Variants in GALNT13 observed in about 807,000 individuals in gnomAD.
The protein encoded by GALNT13 is UDP-GalNAc:polypeptide N-acetylgalactosaminyltransferase 13.
In GALNT13, 28 loss-of-function variants were observed where a neutral mutation model predicts 64.2. That is an observed-to-expected ratio of 0.44 (90% CI 0.32 to 0.60). GALNT13 has a LOEUF of 0.60. Ranked by LOEUF, GALNT13 falls within the 20% of genes least tolerant of loss-of-function variation. GALNT13 has a pLI of 0.05. For missense variants in GALNT13, 577 were observed against 669.8 expected (o/e 0.86, Z 1.53); for synonymous variants, 214 against 224.6 (o/e 0.95, Z 0.42).
chr2:153,715,067 G>GGCAT, the GALNT13 span, among the ~76,000 whole-genome samples: 18,295 of 152,012 alleles, frequency 0.12, 1,713 homozygotes, highest in African/African-American at 0.26. Context: ...TGGCTCTGGG[G>GGCAT]GCATCATTCT....
chr2:153,962,623 G>A (rs374724901), intron 3 of GALNT13, among the ~76,000 whole-genome samples: 30 of 152,192 alleles, frequency 2.0e-4, no homozygotes, highest in African/African-American at 7.0e-4. Flanking sequence ...CTCCATGTAA[G>A]TATAGCTTTG....
chr2:154,301,567 T>A lies in GALNT13; in HGVS notation c.1134T>A (p.Asp378Glu), dbSNP rs1234951810. The A allele has an allele frequency of 1.5e-5, 24 of 1,612,224 alleles. No individual in the cohort carries two copies. The highest frequency in any genetic ancestry group is 2.7e-5 in the African/African-American group (2 of 74,894). ...LAEVWMDEFK[D>E]FFYIISPGVV... ...AAGTTTGGATGGATGAATTTAAAGA[T>A]TTCTTCTACATCATATCCCCAGGTA... The change falls in exon 9 of 13, where the codon GAT becomes GAA. Residue 378 changes from aspartate (D) to glutamate (E), a missense_variant. Transcript: ENST00000392825.
At chr2:154,107,853 T>C (rs1702707842) in intron 3 of GALNT13, among the ~76,000 whole-genome samples, 1 of 152,118 alleles carries the variant, frequency 6.6e-6, no homozygotes. Context: ...AGAGAGAACA[T>C]GTAGTAATTG....
chr2:153,458,140 G>A, the GALNT13 span, among the ~76,000 whole-genome samples: 1 of 151,826 alleles, frequency 6.6e-6, no homozygotes, highest in Non-Finnish European at 1.5e-5. Flanking sequence ...CTCCATGGAG[G>A]GAAAGCCAGG....
At chr2:153,154,828 G>T in the GALNT13 span, among the ~76,000 whole-genome samples, 1 of 152,170 alleles carries the variant, frequency 6.6e-6, no homozygotes, top group East Asian at 1.9e-4. Flanking sequence ...AATGCTTCCA[G>T]CTTTTGCCCA....
chr2:153,809,749 T>C, the GALNT13 span, among the ~76,000 whole-genome samples: 1 of 152,104 alleles, frequency 6.6e-6, no homozygotes, highest in South Asian at 2.1e-4. Context: ...GTACTACGCC[T>C]TTATATTTTG....
chr2:153,623,867 G>A, the GALNT13 span, among the ~76,000 whole-genome samples: 1 of 151,904 alleles, frequency 6.6e-6, no homozygotes, highest in Non-Finnish European at 1.5e-5. Context: ...TTATAAGTGA[G>A]GAATTAAAGA....
chr2:154,255,692 A>T (rs147612993), intron 7 of GALNT13, among the ~76,000 whole-genome samples: 10 of 152,166 alleles, frequency 6.6e-5, no homozygotes, highest in African/African-American at 2.4e-4. Context: ...AGATTTCATG[A>T]TTGAGATAAT....
the GALNT13 span, among the ~76,000 whole-genome samples, chr2:153,385,273 G>A: frequency 6.6e-6 from 1 of 151,928 alleles, no homozygotes; most frequent in African/African-American, 2.4e-5. Context: ...AACTAAATGT[G>A]GAAACAACCT....
At chr2:153,634,481 A>G in the GALNT13 span, among the ~76,000 whole-genome samples, 1 of 150,380 alleles carries the variant, frequency 6.6e-6, no homozygotes, top group African/African-American at 2.5e-5. Flanking sequence ...TCATCCATTC[A>G]TCCTTGGGAG....
At chr2:153,694,945 G>A in the GALNT13 span, among the ~76,000 whole-genome samples, 3 of 152,106 alleles carry the variant, frequency 2.0e-5, no homozygotes, top group Non-Finnish European at 4.4e-5. Context: ...ATAGGACTCA[G>A]CATATAGTTT....
chr2:153,292,590 G>A, the GALNT13 span, among the ~76,000 whole-genome samples: 1 of 152,086 alleles, frequency 6.6e-6, no homozygotes, highest in African/African-American at 2.4e-5. Flanking sequence ...GAGCAGTTGG[G>A]GGTACAGTGG....
At chr2:153,682,701 A>G in the GALNT13 span, among the ~76,000 whole-genome samples, 1 of 151,800 alleles carries the variant, frequency 6.6e-6, no homozygotes, top group Non-Finnish European at 1.5e-5. Context: ...ATCTTGAAAT[A>G]TTTAGTAGAT....
chr2:154,357,376 GTCTTC>G lies in GALNT13; in HGVS notation c.1157-38610_1157-38606del, dbSNP rs536328298. 1.6e-4 allele frequency among the ~76,000 whole-genome samples: 25 copies of G among 152,058 alleles called. No individual in the cohort carries two copies. In the South Asian group the frequency reaches 5.0e-3, roughly 30 times the overall value. ...TTAATTTTCATATTTCATGTGAGTT[GTCTTC>G]TCTTTATTAGAGTTAGATGTTTGTC... On this transcript the variant is annotated intron_variant, in intron 9 of 12. Coordinates refer to ENST00000392825, the MANE Select transcript of GALNT13 (RefSeq NM_052917.4).
chr2:154,046,096 C>G (rs1042493648), intron 3 of GALNT13, among the ~76,000 whole-genome samples: 15 of 151,678 alleles, frequency 9.9e-5, no homozygotes, highest in Admixed American at 8.5e-4. Flanking sequence ...TCACTTGAGA[C>G]CAGGAGTTGG....
At chr2:153,202,606 T>C in the GALNT13 span, among the ~76,000 whole-genome samples, 2 of 152,306 alleles carry the variant, frequency 1.3e-5, no homozygotes, top group East Asian at 3.9e-4. Context: ...TGAGGGCAAT[T>C]TGGCTTTCAC....
chr2:153,705,395 TAAAAA>T, the GALNT13 span, among the ~76,000 whole-genome samples: 5 of 137,036 alleles, frequency 3.6e-5, no homozygotes, highest in African/African-American at 1.3e-4. Flanking sequence ...GTACCACTGT[TAAAAA>T]AAAAAAAAAA....
the GALNT13 span, among the ~76,000 whole-genome samples, chr2:153,739,507 TTTTATTTA>T: frequency 6.7e-6 from 1 of 148,456 alleles, no homozygotes; most frequent in African/African-American, 2.4e-5. Flanking sequence ...TAGATTTTTG[TTTTATTTA>T]TTTATTTATT....
chr2:153,317,556 A>G, the GALNT13 span, among the ~76,000 whole-genome samples: 1 of 152,072 alleles, frequency 6.6e-6, no homozygotes, highest in Non-Finnish European at 1.5e-5. Context: ...TGAGAAATTA[A>G]TTATTGATAA....
Sources: gnomAD v4.1 joint callset for allele counts (sites outside exome capture counted in the v4.1 genomes callset) on GRCh38, gnomAD v4.1.1 for gene constraint, MANE v1.5 for transcripts, NCBI Gene and HGNC (gene_info 2026-07-23, HGNC 2026-07-21) for gene names.